GPC6: variants seen among roughly 807,000 people sequenced by gnomAD.
GPC6 encodes the protein glypican-6.
In GPC6, 14 loss-of-function variants were observed where a neutral mutation model predicts 55.2. That is an observed-to-expected ratio of 0.25 (90% CI 0.17 to 0.40). The LOEUF is 0.40. Ranked by LOEUF, GPC6 falls within the 10% of genes least tolerant of loss-of-function variation. The pLI, the probability that GPC6 is intolerant of heterozygous loss-of-function variation, is 1.00. For synonymous variants in GPC6, 278 were observed against 259.6 expected (o/e 1.07, Z -0.68); for missense variants, 641 against 708.5 (o/e 0.90, Z 1.08).
intron 2 of GPC6, among the ~76,000 whole-genome samples, chr13:93,672,657 C>T (rs1397863089): frequency 3.1e-5 from 3 of 97,272 alleles, no homozygotes; most frequent in Non-Finnish European, 8.2e-5. Context: ...TATATATATG[C>T]CATATATATA....
At position 93,934,417 on chromosome 13, in the gene GPC6, AT is replaced by A. The variant is rs375588765; in HGVS notation, c.712-93305del. ...TGTATTATTAAAATTAAAGTCACCT[AT>A]TTTTTTCCTCTTCTTTCATTTTCAT... On this transcript the variant is annotated intron_variant, in intron 3 of 8. Transcript: ENST00000377047. Among the ~76,000 whole-genome samples the A allele has an allele frequency of 1.5e-3, 221 of 152,216 alleles. 3 individuals are homozygous for A. Among genetic ancestry groups the A allele is most frequent in the African/African-American group, 5.0e-3 (207 of 41,526 alleles).
Position 93,255,391 on chromosome 13 carries a change from A to G in GPC6, c.160+27775A>G, listed in dbSNP as rs1876918278. 2.0e-5 allele frequency among the ~76,000 whole-genome samples: 3 copies of G among 152,178 alleles called. No individual in the cohort carries two copies. In the South Asian group the frequency reaches 6.2e-4, roughly 32 times the overall value. On this transcript the variant is annotated intron_variant, in intron 1 of 8. Coordinates refer to ENST00000377047, the MANE Select transcript of GPC6 (RefSeq NM_005708.5). Reference sequence around the variant, plus strand: ...TAGCTATTTTGCAGTATATATTATTATAAACCATAGTCACCATACTGATCT... The same window carrying G: ...TAGCTATTTTGCAGTATATATTATTGTAAACCATAGTCACCATACTGATCT...
intron 3 of GPC6, among the ~76,000 whole-genome samples, chr13:93,972,270 C>G (rs147429371): frequency 6.6e-6 from 1 of 152,238 alleles, no homozygotes; most frequent in Non-Finnish European, 1.5e-5. Context: ...AGGGTAAAGC[C>G]TGGTAGATTA....
chr13:93,309,566 T>C (rs929639286), intron 1 of GPC6, among the ~76,000 whole-genome samples: 1 of 152,204 alleles, frequency 6.6e-6, no homozygotes, highest in Non-Finnish European at 1.5e-5. Flanking sequence ...TAAACTATAA[T>C]TGGTAGAGGC....
intron 1 of GPC6, among the ~76,000 whole-genome samples, chr13:93,487,677 T>C (rs1312223832): frequency 6.6e-6 from 1 of 152,214 alleles, no homozygotes; most frequent in Non-Finnish European, 1.5e-5. Context: ...TGGAACACTG[T>C]GCTGTTCAGG....
At chr13:93,998,274 C>G (rs142442973) in intron 3 of GPC6, among the ~76,000 whole-genome samples, 1 of 152,236 alleles carries the variant, frequency 6.6e-6, no homozygotes, top group East Asian at 1.9e-4. Context: ...TTTAAGTATT[C>G]ATTTTTAATG....
intron 4 of GPC6, among the ~76,000 whole-genome samples, chr13:94,201,461 AAC>A (rs1008582464): frequency 7.9e-5 from 12 of 152,282 alleles, no homozygotes; most frequent in African/African-American, 2.6e-4. Context: ...CAGAAAACAA[AAC>A]ACACACCAAA....
intron 2 of GPC6, among the ~76,000 whole-genome samples, chr13:93,747,222 T>C (rs189867164): frequency 1.2e-3 from 187 of 152,124 alleles, no homozygotes; most frequent in African/African-American, 4.3e-3. Flanking sequence ...GAAAAGAAAT[T>C]GGTGGAGGCC....
At chr13:94,194,085 C>T (rs1240958525) in intron 4 of GPC6, among the ~76,000 whole-genome samples, 1 of 152,086 alleles carries the variant, frequency 6.6e-6, no homozygotes, top group Non-Finnish European at 1.5e-5. Flanking sequence ...TTGCTAATCT[C>T]ATTTGGGGAG....
At chr13:93,791,366 A>G (rs545689787) in intron 2 of GPC6, among the ~76,000 whole-genome samples, 15 of 152,304 alleles carry the variant, frequency 9.8e-5, no homozygotes, top group Non-Finnish European at 1.6e-4. Context: ...TCAAATCAGG[A>G]CTATTTAAAG....
intron 3 of GPC6, among the ~76,000 whole-genome samples, chr13:93,844,096 G>A (rs1216435131): frequency 6.6e-6 from 1 of 152,026 alleles, no homozygotes; most frequent in African/African-American, 2.4e-5. Context: ...CTGTGAACTT[G>A]CAAAGTCTCC....
chr13:93,846,784 A>AGCCCT (rs1379500943), intron 3 of GPC6, among the ~76,000 whole-genome samples: 1 of 152,188 alleles, frequency 6.6e-6, no homozygotes, highest in Non-Finnish European at 1.5e-5. Context: ...ATTGCACTCC[A>AGCCCT]GCCTCAAATT....
At chr13:93,383,644 G>T (rs1282984580) in intron 1 of GPC6, among the ~76,000 whole-genome samples, 2 of 151,950 alleles carry the variant, frequency 1.3e-5, no homozygotes, top group Non-Finnish European at 2.9e-5. Flanking sequence ...AGCTATTTTT[G>T]GATAGTGCTG....
intron 1 of GPC6, among the ~76,000 whole-genome samples, chr13:93,342,245 A>G (rs1298177096): frequency 6.6e-6 from 1 of 152,128 alleles, no homozygotes; most frequent in Non-Finnish European, 1.5e-5. Flanking sequence ...GACTGGGAGA[A>G]CATAGGTGTA....
At chr13:93,312,713 T>A (rs1034511228) in intron 1 of GPC6, among the ~76,000 whole-genome samples, 1 of 152,180 alleles carries the variant, frequency 6.6e-6, no homozygotes, top group African/African-American at 2.4e-5. Flanking sequence ...AAATGAAGAA[T>A]AATTGGTTTA....
chr13:93,553,875 C>T (rs946329758), intron 2 of GPC6, among the ~76,000 whole-genome samples: 22 of 119,806 alleles, frequency 1.8e-4, no homozygotes, highest in Non-Finnish European at 3.3e-4. Context: ...CACAGTGCCT[C>T]GTGCCTGTAA....
chr13:93,348,746 A>C (rs1362285067), intron 1 of GPC6, among the ~76,000 whole-genome samples: 1 of 152,218 alleles, frequency 6.6e-6, no homozygotes, highest in African/African-American at 2.4e-5. Context: ...TGGATAAAAC[A>C]TTCTGTCATA....
intron 1 of GPC6, among the ~76,000 whole-genome samples, chr13:93,446,655 G>T (rs1444929203): frequency 1.3e-5 from 2 of 152,130 alleles, no homozygotes; most frequent in Non-Finnish European, 2.9e-5. Flanking sequence ...TATAAATGGA[G>T]CTTTAAGACA....
chr13:93,668,848 T>C (rs1881246221), intron 2 of GPC6, among the ~76,000 whole-genome samples: 1 of 152,208 alleles, frequency 6.6e-6, no homozygotes, highest in Non-Finnish European at 1.5e-5. Context: ...AAGAAACTCA[T>C]ACAGCTAGTA....
Sources: allele counts gnomAD v4.1 joint callset (sites outside exome capture counted in the v4.1 genomes callset), GRCh38; gene constraint gnomAD v4.1.1; transcripts MANE v1.5; gene names NCBI Gene and HGNC (gene_info 2026-07-23, HGNC 2026-07-21).